The following SUPT3H variants were observed in gnomAD, a reference collection of about 807,000 sequenced individuals.
SUPT3H encodes transcription initiation protein SPT3 homolog.
A neutral mutation model predicts 44.3 loss-of-function variants in SUPT3H; 44 were observed. That is an observed-to-expected ratio of 0.99 (90% confidence interval 0.78 to 1.28). SUPT3H has a LOEUF of 1.28. Ranked by LOEUF, SUPT3H falls within the 50% of genes most tolerant of loss-of-function variation. The probability of loss-of-function intolerance (pLI) is 0.00; values close to 1 mark genes in which losing one functional copy is unlikely to be tolerated. For synonymous variants in SUPT3H, 124 were observed against 125.6 expected, an observed-to-expected ratio of 0.99 and a Z score of 0.09; for missense variants, 380 against 387.1, an observed-to-expected ratio of 0.98 and a Z score of 0.15.
In SUPT3H at chr6:45,177,802, T is replaced by G. The variant is rs1812269769; in HGVS notation, c.102-71796A>C. On this transcript the variant is annotated intron_variant, in intron 2 of 10. Coordinates refer to ENST00000371459, the MANE Select transcript of SUPT3H (RefSeq NM_003599.4). ...AGAAAAGAATTTTCAACCCAGAATT[T>G]CATATCCAGCCAAAGTAAGCTTCAT... Among the ~76,000 whole-genome samples, 10 of 152,190 alleles carry G rather than the reference T, an allele frequency of 6.6e-5. No homozygotes were observed. In the South Asian group the frequency reaches 2.1e-3, roughly 32 times the overall value.
rs189803518 is a variant in SUPT3H, at chr6:44,811,772, G to A, written c.*53-2271C>T. Reference sequence around the variant, plus strand: ...AAGGTGGCAGTTATACAGAAGCATGGCTTCCTGCATACCTTCTCATAAGCC... The same window carrying A: ...AAGGTGGCAGTTATACAGAAGCATGACTTCCTGCATACCTTCTCATAAGCC... On this transcript the variant is annotated intron_variant and NMD_transcript_variant, in intron 11 of 11. Coordinates refer to the SUPT3H transcript ENST00000475057. Among the ~76,000 whole-genome samples, 48 of 152,274 alleles carry A rather than the reference G, an allele frequency of 3.2e-4. 1 individual carries two copies. The highest frequency in any genetic ancestry group is 8.5e-4 in the Admixed American group (13 of 15,298).
rs753220499 is a variant in SUPT3H, at chr6:45,234,583, A to T, written c.102-128577T>A. ...AAAAGAAATACATATATATATACAC[A>T]CATGACCTGAAGTTCTAAATTATTA... On this transcript the variant is annotated intron_variant, in intron 2 of 10. Transcript: ENST00000371459. 1.1e-3 allele frequency among the ~76,000 whole-genome samples: 169 copies of T among 151,980 alleles called. 2 individuals carry two copies. The highest frequency in any genetic ancestry group is 0.01 in the Middle Eastern group (3 of 294).
intron 2 of SUPT3H, among the ~76,000 whole-genome samples, chr6:45,248,131 C>T (rs761084776): frequency 1.6e-4 from 24 of 151,868 alleles, no homozygotes; most frequent in South Asian, 4.1e-4. Context: ...AAAAAAACTA[C>T]GAATCACTTA....
chr6:45,195,082 CAAT>C (rs35156159), intron 2 of SUPT3H, among the ~76,000 whole-genome samples: 60,599 of 151,584 alleles, frequency 0.4, 12,434 homozygotes, highest in East Asian at 0.71. Context: ...CAATAAAAAA[CAAT>C]GAATTGGCAC....
intron 2 of SUPT3H, among the ~76,000 whole-genome samples, chr6:45,282,386 C>T (rs890183187): frequency 2.6e-5 from 4 of 151,958 alleles, no homozygotes; most frequent in South Asian, 2.1e-4. Flanking sequence ...CAGAGAAGTC[C>T]TTAAAGGACC....
intron 2 of SUPT3H, chr6:45,328,152 T>G (rs768372920): frequency 1.5e-6 from 1 of 656,902 alleles, no homozygotes. Flanking sequence ...ACAAGCCTTT[T>G]GTGAGAGAAA....
chr6:44,932,397 T>C (rs935856650), intron 10 of SUPT3H, among the ~76,000 whole-genome samples: 7 of 152,164 alleles, frequency 4.6e-5, no homozygotes, highest in East Asian at 1.9e-4. Flanking sequence ...CTTTGAAAAA[T>C]AGAAACTATA....
At chr6:45,124,870 G>C (rs1017922964) in intron 2 of SUPT3H, among the ~76,000 whole-genome samples, 1 of 152,100 alleles carries the variant, frequency 6.6e-6, no homozygotes, top group African/African-American at 2.4e-5. Flanking sequence ...CATTAGGGTA[G>C]GCTCTAGACG....
intron 1 of SUPT3H, among the ~76,000 whole-genome samples, chr6:45,372,206 C>T (rs72862907): frequency 0.018 from 2,740 of 152,256 alleles, 42 homozygotes; most frequent in South Asian, 0.044. Flanking sequence ...AGTTATGCCA[C>T]CTCACTGCCT....
chr6:45,187,364 A>C (rs1159422412), intron 2 of SUPT3H, among the ~76,000 whole-genome samples: 1 of 151,932 alleles, frequency 6.6e-6, no homozygotes, highest in Admixed American at 6.6e-5. Context: ...GCAATGAGCC[A>C]AGATTGTGCC....
chr6:44,811,199 C>T (rs1261480148), intron 11 of SUPT3H, among the ~76,000 whole-genome samples: 1 of 152,158 alleles, frequency 6.6e-6, no homozygotes, highest in Admixed American at 6.5e-5. Flanking sequence ...ATGATAGTTT[C>T]TCAGGCTTTC....
chr6:45,001,940 T>C (rs1782061642), intron 6 of SUPT3H, among the ~76,000 whole-genome samples: 1 of 152,066 alleles, frequency 6.6e-6, no homozygotes, highest in South Asian at 2.1e-4. Context: ...ACAGTTAAGT[T>C]ATGTCTACAA....
In SUPT3H at chr6:44,826,938, A is replaced by G. The variant is rs1442023529; in HGVS notation, c.*2878T>C. Among the ~76,000 whole-genome samples, 2 of 152,200 alleles carry G rather than the reference A, an allele frequency of 1.3e-5. No homozygotes were observed. The highest frequency in any genetic ancestry group is 2.4e-5 in the African/African-American group (1 of 41,460). ...GTCTTGGTTTTAAAATTGAAACAGT[A>G]TTTTTGAATCACAACGATTACAATC... On this transcript the variant is annotated 3_prime_UTR_variant, in exon 11 of 11. Transcript: ENST00000371459.
At chr6:45,248,538 C>T (rs1047035653) in intron 2 of SUPT3H, among the ~76,000 whole-genome samples, 2 of 152,154 alleles carry the variant, frequency 1.3e-5, no homozygotes, top group African/African-American at 2.4e-5. Context: ...TAGTATGACA[C>T]ATCTTCACAC....
chr6:44,928,969 C>T (rs1316741831), intron 10 of SUPT3H, among the ~76,000 whole-genome samples: 1 of 150,952 alleles, frequency 6.6e-6, no homozygotes, highest in East Asian at 2.0e-4. Context: ...TTGTTAACCA[C>T]TGAGTGGGGA....
chr6:45,295,524 CAAAAAAAAAAAA>C (rs752887669), intron 2 of SUPT3H, among the ~76,000 whole-genome samples: 25 of 40,064 alleles, frequency 6.2e-4, no homozygotes, highest in South Asian at 1.6e-3. Flanking sequence ...TTTTGCACAG[CAAAAAAAAAAAA>C]AAAAAAAAAA....
chr6:45,248,687 T>C (rs1771816834), intron 2 of SUPT3H, among the ~76,000 whole-genome samples: 1 of 151,918 alleles, frequency 6.6e-6, no homozygotes, highest in Admixed American at 6.6e-5. Flanking sequence ...GAGGCCAAGG[T>C]GGATAGATCA....
At chr6:44,865,354 C>T (rs1317363894) in intron 10 of SUPT3H, among the ~76,000 whole-genome samples, 1 of 152,214 alleles carries the variant, frequency 6.6e-6, no homozygotes, top group Non-Finnish European at 1.5e-5. Context: ...AAAGTCACTT[C>T]CACATTTTCA....
intron 1 of SUPT3H, among the ~76,000 whole-genome samples, chr6:45,376,295 A>G (rs1230096799): frequency 6.6e-6 from 1 of 152,246 alleles, no homozygotes; most frequent in Non-Finnish European, 1.5e-5. Flanking sequence ...TAAATGTTCC[A>G]AAGAGCTGGC....
Sources: gnomAD v4.1 joint callset for allele counts (sites outside exome capture counted in the v4.1 genomes callset) on GRCh38, gnomAD v4.1.1 for gene constraint, MANE v1.5 for transcripts, NCBI Gene and HGNC (gene_info 2026-07-23, HGNC 2026-07-21) for gene names.